Variants in WWOX observed in about 807,000 individuals in gnomAD.
The protein encoded by WWOX is WW domain-containing oxidoreductase.
WWOX carries 69 observed loss-of-function variants against 46.2 expected under a neutral mutation model. The observed-to-expected ratio is 1.49, with a 90% confidence interval of 1.23 to 1.82. The LOEUF (loss-of-function observed/expected upper bound fraction) is 1.82. Among genes scored for constraint, WWOX ranks in the 40% most tolerant of loss-of-function variants. The probability of loss-of-function intolerance (pLI) is 0.00; values close to 1 mark genes in which losing one functional copy is unlikely to be tolerated. For missense variants in WWOX, 919 were observed against 542.6 expected (o/e 1.69, Z -6.89); for synonymous variants, 359 against 202.6 (o/e 1.77, Z -6.56).
intron 8 of WWOX, among the ~76,000 whole-genome samples, chr16:78,545,611 G>A (rs1345117861): frequency 2.0e-5 from 3 of 152,192 alleles, no homozygotes; most frequent in African/African-American, 7.2e-5. Context: ...GTCATGGTTG[G>A]CGATTAAATA....
At position 78,975,356 on chromosome 16, in the gene WWOX, C is replaced by A. The variant is rs139150936; in HGVS notation, c.1057-236252C>A. 3.8e-4 allele frequency among the ~76,000 whole-genome samples: 58 copies of A among 152,186 alleles called. No homozygotes were observed. In the East Asian group the frequency reaches 7.9e-3, roughly 21 times the overall value. ...GGTAGAGGCCGGGGATAGTGGTTAA[C>A]ATCCTACATGAACAGGGCAGACCCT... is the stretch of plus-strand genomic sequence containing the variant. On this transcript the variant is annotated intron_variant, in intron 8 of 8. Transcript: ENST00000566780.
intron 8 of WWOX, among the ~76,000 whole-genome samples, chr16:78,694,918 G>A (rs1234867549): frequency 6.6e-6 from 1 of 151,740 alleles, no homozygotes; most frequent in Non-Finnish European, 1.5e-5. Flanking sequence ...AGGTCCTTCA[G>A]TTTCCCATAA....
chr16:78,560,519 C>A (rs2044410833), intron 8 of WWOX, among the ~76,000 whole-genome samples: 2 of 152,156 alleles, frequency 1.3e-5, no homozygotes, highest in African/African-American at 4.8e-5. Flanking sequence ...CGGTGCATGC[C>A]TGTAATCCCA....
intron 8 of WWOX, among the ~76,000 whole-genome samples, chr16:78,857,074 A>G (rs1322518273): frequency 2.6e-5 from 4 of 152,234 alleles, no homozygotes; most frequent in Non-Finnish European, 5.9e-5. Context: ...TTCTGGGATC[A>G]CCATTGCATA....
At chr16:78,385,883 A>G (rs969212333) in intron 5 of WWOX, among the ~76,000 whole-genome samples, 1 of 152,182 alleles carries the variant, frequency 6.6e-6, no homozygotes, top group Non-Finnish European at 1.5e-5. Flanking sequence ...AAGTGATAGT[A>G]TTTAATCTCG....
intron 8 of WWOX, among the ~76,000 whole-genome samples, chr16:78,716,595 G>A (rs766783889): frequency 1.8e-4 from 28 of 152,024 alleles, no homozygotes; most frequent in Non-Finnish European, 3.5e-4. Flanking sequence ...AGGCAAGTTC[G>A]TGTGGTTCTG....
chr16:78,691,022 C>T (rs544854065), intron 8 of WWOX, among the ~76,000 whole-genome samples: 4 of 152,304 alleles, frequency 2.6e-5, no homozygotes, highest in Admixed American at 2.0e-4. Context: ...CTCCACTAAG[C>T]AGACATACTC....
chr16:78,487,856 C>T (rs575662227), intron 8 of WWOX, among the ~76,000 whole-genome samples: 1 of 152,278 alleles, frequency 6.6e-6, no homozygotes, highest in South Asian at 2.1e-4. Context: ...AATCCCCCAA[C>T]ACTAGGATAG....
At chr16:78,432,121 CTTT>C (rs112523358) in intron 7 of WWOX, among the ~76,000 whole-genome samples, 3 of 142,934 alleles carry the variant, frequency 2.1e-5, no homozygotes. Context: ...CCTCAGATTG[CTTT>C]TTTTTTTTTT....
chr16:78,676,688 T>C (rs917777774), intron 8 of WWOX, among the ~76,000 whole-genome samples: 1 of 152,192 alleles, frequency 6.6e-6, no homozygotes, highest in Middle Eastern at 3.2e-3. Context: ...ATTGCTTTTA[T>C]TGCTGCAGGG....
intron 8 of WWOX, among the ~76,000 whole-genome samples, chr16:79,085,367 G>T (rs912920782): frequency 9.2e-5 from 14 of 152,198 alleles, no homozygotes; most frequent in African/African-American, 3.4e-4. Context: ...GTGGACAGAT[G>T]ATGCTTTTCA....
At chr16:79,086,624 T>C (rs965667524) in intron 8 of WWOX, among the ~76,000 whole-genome samples, 4 of 152,178 alleles carry the variant, frequency 2.6e-5, no homozygotes, top group African/African-American at 9.7e-5. Flanking sequence ...CTCATGCCTG[T>C]AATTCCAACA....
intron 5 of WWOX, among the ~76,000 whole-genome samples, chr16:78,370,576 G>A (rs2081652695): frequency 6.6e-6 from 1 of 151,812 alleles, no homozygotes. Context: ...GTAATTATTA[G>A]GATATAATTA....
intron 8 of WWOX, chr16:78,895,219 T>G (rs1048050530): frequency 2.0e-5 from 3 of 152,222 alleles, no homozygotes; most frequent in African/African-American, 7.2e-5. Context: ...GCTTACCCAG[T>G]TAACAGAAAT....
intron 8 of WWOX, among the ~76,000 whole-genome samples, chr16:78,671,594 C>G (rs969977235): frequency 6.6e-6 from 1 of 152,012 alleles, no homozygotes; most frequent in African/African-American, 2.4e-5. Context: ...CTCTCAGAGC[C>G]CTGATTTTCT....
rs544871398 is a variant in WWOX at position 78,944,387 on chromosome 16, G to C, written c.1057-267221G>C. ...GCTGTCTTATCTTCAAGGTGCTCAA[G>C]ACACGTTTGTTGCATCAGTTGAATG... On this transcript the variant is annotated intron_variant, in intron 8 of 8. Transcript: ENST00000566780. Among the ~76,000 whole-genome samples, 3 of 152,294 alleles carry C rather than the reference G, an allele frequency of 2.0e-5. No homozygotes were observed. The South Asian group carries it at 6.2e-4, about 32-fold the overall frequency.
At chr16:78,781,599 A>G (rs932617516) in intron 8 of WWOX, among the ~76,000 whole-genome samples, 3 of 152,056 alleles carry the variant, frequency 2.0e-5, no homozygotes, top group African/African-American at 7.3e-5. Flanking sequence ...CCCCCACTTT[A>G]TCCAAAAGTT....
intron 8 of WWOX, among the ~76,000 whole-genome samples, chr16:79,193,178 C>G (rs1160739029): frequency 2.6e-5 from 4 of 152,174 alleles, no homozygotes; most frequent in Non-Finnish European, 5.9e-5. Flanking sequence ...ACAGAAAGCA[C>G]AGGTTATGGA....
intron 5 of WWOX, among the ~76,000 whole-genome samples, chr16:78,235,617 C>A (rs192582884): frequency 6.6e-6 from 1 of 152,156 alleles, no homozygotes; most frequent in African/African-American, 2.4e-5. Context: ...TTGCAGCCGG[C>A]TTGCAATTGC....
Sources: gnomAD v4.1 joint callset for allele counts (sites outside exome capture counted in the v4.1 genomes callset) on GRCh38, gnomAD v4.1.1 for gene constraint, MANE v1.5 for transcripts, NCBI Gene and HGNC (gene_info 2026-07-23, HGNC 2026-07-21) for gene names.